The following ACTA2 variants were observed in gnomAD, a reference collection of about 807,000 sequenced individuals.
ACTA2 encodes the protein actin alpha 2, smooth muscle, also known as actin, aortic smooth muscle.
A neutral mutation model predicts 39.5 loss-of-function variants in ACTA2; 12 were observed. That is an observed-to-expected ratio of 0.30 (90% CI 0.19 to 0.49). The LOEUF is 0.49. Among genes scored for constraint, ACTA2 ranks in the 20% least tolerant of loss-of-function variants. ACTA2 has a pLI of 0.99. For missense variants in ACTA2, 236 were observed against 498.8 expected (o/e 0.47, Z 5.02); for synonymous variants, 158 against 180.6 (o/e 0.88, Z 1.00).
At chr10:88,991,180 C>T in exon 1 of ACTA2, 4 of 578,210 alleles carry the variant, frequency 6.9e-6, no homozygotes, top group South Asian at 4.0e-5. Context: ...GCAGCTCCGG[C>T]GCTCCTCGGA....
intron 1 of ACTA2, among the ~76,000 whole-genome samples, chr10:88,968,544 G>A (rs920992586): frequency 1.3e-5 from 2 of 152,104 alleles, no homozygotes; most frequent in African/African-American, 4.8e-5. Context: ...CATGTTTGTC[G>A]GTAGAGTACT....
At chr10:88,952,790 G>C (rs1846073768), upstream of ACTA2, 1 of 152,348 alleles carries the variant, frequency 6.6e-6, no homozygotes, top group Non-Finnish European at 1.5e-5. Flanking sequence ...GCTGAAAGCT[G>C]AAGGGTTATA....
chr10:88,954,311 C>A (rs760642011), upstream of ACTA2, among the ~76,000 whole-genome samples: 3 of 152,090 alleles, frequency 2.0e-5, no homozygotes, highest in Non-Finnish European at 4.4e-5. Flanking sequence ...AAGACTAAAT[C>A]ATAACAGGAT....
chr10:88,963,462 G>A (rs115020109), intron 1 of ACTA2, among the ~76,000 whole-genome samples: 1,766 of 152,044 alleles, frequency 0.012, 30 homozygotes, highest in African/African-American at 0.04. Flanking sequence ...AGAATCTCAT[G>A]AGAATTTTAA....
In ACTA2 at chr10:88,938,046, G is replaced by C. The variant is rs367787300; in HGVS notation, c.990+15C>G. The C allele has an allele frequency of 6.2e-7, 1 of 1,613,686 alleles. No homozygotes were observed. Among genetic ancestry groups the C allele is most frequent in the African/African-American group, 1.3e-5 (1 of 74,922 alleles). On this transcript the variant is annotated intron_variant, in intron 8 of 8. Coordinates refer to ENST00000224784, the MANE Select transcript of ACTA2 (RefSeq NM_001613.4). ...TGCTGGCGGCATTGCCACTGGGTCTGTCACTGAACAGTACCTTGATCTTCA... is the reference window on the plus strand; with the variant it reads ...TGCTGGCGGCATTGCCACTGGGTCTCTCACTGAACAGTACCTTGATCTTCA...
upstream of ACTA2, among the ~76,000 whole-genome samples, chr10:88,957,158 A>T (rs1328332487): frequency 6.6e-6 from 1 of 152,192 alleles, no homozygotes; most frequent in Non-Finnish European, 1.5e-5. Flanking sequence ...CATGCCCATG[A>T]TCCTGTAATG....
intron 7 of ACTA2, 167 bp downstream of exon 7, chr10:88,939,340 C>A: frequency 1.2e-6 from 1 of 842,570 alleles, no homozygotes; most frequent in Non-Finnish European, 1.9e-6. Flanking sequence ...TTTTTCCTGG[C>A]CTCATTATGT....
At chr10:88,968,982 C>A (rs1241260741) in intron 1 of ACTA2, among the ~76,000 whole-genome samples, 1 of 152,010 alleles carries the variant, frequency 6.6e-6, no homozygotes, top group Non-Finnish European at 1.5e-5. Context: ...AACCCCCACC[C>A]CGCAATACTA....
At chr10:88,943,619 G>A (rs1845894753) in intron 4 of ACTA2, 178 bp downstream of exon 4, 2 of 694,586 alleles carry the variant, frequency 2.9e-6, no homozygotes, top group Non-Finnish European at 5.3e-6. Context: ...GTCCCTGCAG[G>A]AAGGATGCAA....
intron 1 of ACTA2, among the ~76,000 whole-genome samples, chr10:88,979,236 G>A (rs1377694374): frequency 6.6e-6 from 1 of 151,836 alleles, no homozygotes; most frequent in Non-Finnish European, 1.5e-5. Flanking sequence ...ATAAGGAAGG[G>A]AAGAAAGTGA....
upstream of ACTA2, among the ~76,000 whole-genome samples, chr10:88,957,370 C>T (rs1262508164): frequency 1.3e-5 from 2 of 152,178 alleles, no homozygotes; most frequent in East Asian, 3.8e-4. Flanking sequence ...TTTTAGCATT[C>T]TCTTTGTCAC....
chr10:88,978,360 T>G (rs1388812446), intron 1 of ACTA2, among the ~76,000 whole-genome samples: 1 of 151,534 alleles, frequency 6.6e-6, no homozygotes, highest in African/African-American at 2.4e-5. Flanking sequence ...GTAACTAACC[T>G]GCATAATGTG....
intron 3 of ACTA2, among the ~76,000 whole-genome samples, chr10:88,944,854 TCCA>T (rs1216761804): frequency 6.6e-6 from 1 of 152,220 alleles, no homozygotes. Flanking sequence ...ACGAAAATTC[TCCA>T]CCAGAGCCAG....
chr10:88,973,472 C>T (rs1026428624), intron 1 of ACTA2: 1 of 857,106 alleles, frequency 1.2e-6, no homozygotes, highest in African/African-American at 1.7e-5. Context: ...GTCATTTCAT[C>T]TTGATTATCA....
intron 1 of ACTA2, among the ~76,000 whole-genome samples, chr10:88,988,958 G>A (rs534729637): frequency 2.7e-4 from 41 of 152,278 alleles, no homozygotes; most frequent in African/African-American, 8.7e-4. Flanking sequence ...TTGAACTTGA[G>A]GATAATTAGA....
intron 1 of ACTA2, among the ~76,000 whole-genome samples, chr10:88,951,659 T>C (rs1195694196): frequency 6.6e-6 from 1 of 152,178 alleles, no homozygotes; most frequent in Non-Finnish European, 1.5e-5. Context: ...GAGCAAAGCA[T>C]TTCCTAATTA....
At chr10:88,941,563 A>G (rs1845852912) in intron 5 of ACTA2, among the ~76,000 whole-genome samples, 173 bp from the exon 6 acceptor site, 1 of 152,198 alleles carries the variant, frequency 6.6e-6, no homozygotes, top group African/African-American at 2.4e-5. Flanking sequence ...GGAAGATGAA[A>G]AAAAGTAAAG....
At chr10:88,961,651 A>T (rs1289744212) in intron 1 of ACTA2, among the ~76,000 whole-genome samples, 1 of 152,184 alleles carries the variant, frequency 6.6e-6, no homozygotes, top group Non-Finnish European at 1.5e-5. Flanking sequence ...TGCCATCAAG[A>T]TGCTATTATG....
At chr10:88,959,528 C>A (rs747048732) in intron 1 of ACTA2, among the ~76,000 whole-genome samples, 37 of 152,188 alleles carry the variant, frequency 2.4e-4, no homozygotes, top group Non-Finnish European at 3.5e-4. Context: ...ACCTTAGAGT[C>A]AATTTTCCAA....
Sources: allele counts gnomAD v4.1 joint callset (sites outside exome capture counted in the v4.1 genomes callset), GRCh38; gene constraint gnomAD v4.1.1; transcripts MANE v1.5; gene names NCBI Gene and HGNC (gene_info 2026-07-23, HGNC 2026-07-21).